Variants in CDH13 observed in about 807,000 individuals in gnomAD.
The protein encoded by CDH13 is cadherin-13.
In CDH13, 24 loss-of-function variants were observed where a neutral mutation model predicts 63.8. The ratio of observed to expected loss-of-function variants is 0.38; its 90% CI spans 0.27 to 0.53. The LOEUF is 0.53. Among genes scored for constraint, CDH13 ranks in the 20% least tolerant of loss-of-function variants. The pLI, the probability that CDH13 is intolerant of heterozygous loss-of-function variation, is 0.85. For missense variants in CDH13, 1,049 were observed against 903.1 expected, an observed-to-expected ratio of 1.16 and a Z score of -2.07; for synonymous variants, 503 against 355.3, an observed-to-expected ratio of 1.42 and a Z score of -4.67.
intron 2 of CDH13, among the ~76,000 whole-genome samples, chr16:82,933,606 A>G (rs1341130603): frequency 2.6e-5 from 4 of 152,214 alleles, no homozygotes; most frequent in African/African-American, 9.6e-5. Context: ...CATTAACCCA[A>G]AAGTCCAAGT....
chr16:83,446,487 A>T (rs1198304840), intron 6 of CDH13, among the ~76,000 whole-genome samples: 1 of 152,154 alleles, frequency 6.6e-6, no homozygotes, highest in Non-Finnish European at 1.5e-5. Context: ...AATAATGTAA[A>T]TTATTCCCAG....
At chr16:83,179,500 A>AAAAAAAAAAAAC in intron 4 of CDH13, among the ~76,000 whole-genome samples, 1 of 149,682 alleles carries the variant, frequency 6.7e-6, no homozygotes. Context: ...AAAAAAAAAA[A>AAAAAAAAAAAAC]AATTAGCCGG....
At chr16:82,727,491 T>G (rs534530268) in intron 1 of CDH13, 55 of 152,326 alleles carry the variant, frequency 3.6e-4, no homozygotes, top group African/African-American at 1.3e-3. Context: ...TATTCAGGTC[T>G]ATTGTGATTT....
At chr16:83,055,353 A>G (rs1013455231) in intron 3 of CDH13, among the ~76,000 whole-genome samples, 5 of 151,556 alleles carry the variant, frequency 3.3e-5, no homozygotes, top group Middle Eastern at 3.2e-3. Flanking sequence ...CTGTAACTTG[A>G]TATCAATAGT....
At chr16:83,336,942 T>C (rs1311171524) in intron 5 of CDH13, among the ~76,000 whole-genome samples, 3 of 152,184 alleles carry the variant, frequency 2.0e-5, no homozygotes, top group East Asian at 1.9e-4. Flanking sequence ...TACATCCCTT[T>C]GGGTAAGATC....
At position 83,762,816 on chromosome 16, in the gene CDH13, G is replaced by C. The variant is rs1914084145; in HGVS notation, c.1681+14566G>C. Among the ~76,000 whole-genome samples the C allele has an allele frequency of 2.6e-5, 4 of 152,114 alleles. No individual in the cohort carries two copies. The South Asian group carries it at 8.3e-4, about 32-fold the overall frequency. ...GGTTCATTGTTCCATGATTGTTATT[G>C]AATGGGGCTCTTATGCTCTCACAGA... On this transcript the variant is annotated intron_variant, in intron 11 of 13. Transcript: ENST00000567109.
intron 2 of CDH13, among the ~76,000 whole-genome samples, chr16:82,923,883 G>A (rs1184035047): frequency 6.6e-6 from 1 of 152,114 alleles, no homozygotes; most frequent in Non-Finnish European, 1.5e-5. Context: ...TGGGATCCTG[G>A]TTCTGCATTT....
At chr16:82,806,443 A>T (rs567858557) in intron 1 of CDH13, among the ~76,000 whole-genome samples, 1 of 152,214 alleles carries the variant, frequency 6.6e-6, no homozygotes, top group Admixed American at 6.5e-5. Flanking sequence ...CTTACAAAAC[A>T]AAACTTGGAA....
At chr16:83,129,843 C>T (rs540197119) in intron 4 of CDH13, among the ~76,000 whole-genome samples, 2 of 152,364 alleles carry the variant, frequency 1.3e-5, no homozygotes, top group African/African-American at 4.8e-5. Context: ...CCTTCTGCTT[C>T]ATCACCAAAA....
intron 7 of CDH13, among the ~76,000 whole-genome samples, chr16:83,515,879 T>G (rs2074688037): frequency 1.3e-5 from 2 of 152,154 alleles, no homozygotes; most frequent in Non-Finnish European, 2.9e-5. Flanking sequence ...ATTTATAAAT[T>G]TAATCTTTAT....
At chr16:83,562,043 T>G (rs921738536) in intron 7 of CDH13, among the ~76,000 whole-genome samples, 7 of 152,108 alleles carry the variant, frequency 4.6e-5, no homozygotes, top group Non-Finnish European at 7.4e-5. Context: ...GAGAATGTGG[T>G]CAGGACCTTG....
intron 2 of CDH13, among the ~76,000 whole-genome samples, chr16:82,992,172 A>T (rs2151407343): frequency 6.6e-6 from 1 of 152,296 alleles, no homozygotes; most frequent in East Asian, 1.9e-4. Context: ...CACTATGTTG[A>T]AGTATGTCCT....
intron 7 of CDH13, among the ~76,000 whole-genome samples, chr16:83,582,770 T>C (rs1381405712): frequency 6.6e-6 from 1 of 152,198 alleles, no homozygotes; most frequent in African/African-American, 2.4e-5. Context: ...CTGAGCTCTC[T>C]TGAAAATGTA....
intron 3 of CDH13, among the ~76,000 whole-genome samples, chr16:83,048,405 C>G (rs1337569854): frequency 6.6e-6 from 1 of 152,190 alleles, no homozygotes; most frequent in Non-Finnish European, 1.5e-5. Context: ...GGTATTCACG[C>G]TCCTGGACCT....
At chr16:83,552,991 A>G (rs1182603995) in intron 7 of CDH13, among the ~76,000 whole-genome samples, 5 of 152,008 alleles carry the variant, frequency 3.3e-5, no homozygotes, top group Non-Finnish European at 7.4e-5. Context: ...AGGCAGGAGA[A>G]TCACTTGAAC....
intron 6 of CDH13, among the ~76,000 whole-genome samples, chr16:83,369,655 C>T (rs925498027): frequency 1.3e-5 from 2 of 152,034 alleles, no homozygotes; most frequent in Non-Finnish European, 2.9e-5. Context: ...ACATCCCTGG[C>T]CTCAAGTGAT....
In CDH13 at chr16:83,763,091, G is replaced by A. The variant is rs577065816; in HGVS notation, c.1681+14841G>A. ...CCCATCTATTTCCATTTAAAAGAAC[G>A]GGGGAGTGATGGCTTTTAAAACAAG... On this transcript the variant is annotated intron_variant, in intron 11 of 13. Coordinates refer to ENST00000567109, the MANE Select transcript of CDH13 (RefSeq NM_001257.5). Among the ~76,000 whole-genome samples, 101 of 152,218 alleles carry A rather than the reference G, an allele frequency of 6.6e-4. 1 individual carries two copies. In the South Asian group the frequency reaches 0.011, roughly 16 times the overall value.
chr16:82,810,143 A>G (rs777514465), intron 1 of CDH13, among the ~76,000 whole-genome samples: 5 of 152,236 alleles, frequency 3.3e-5, no homozygotes, highest in Non-Finnish European at 5.9e-5. Flanking sequence ...AGGTAAGGAC[A>G]TGGTGCCTAC....
At chr16:83,524,768 C>CA (rs1465333807) in intron 7 of CDH13, among the ~76,000 whole-genome samples, 2 of 152,176 alleles carry the variant, frequency 1.3e-5, no homozygotes, top group African/African-American at 4.8e-5. Context: ...CATGTCTTAA[C>CA]ACCCCCTCTT....
Sources: gnomAD v4.1 joint callset for allele counts (sites outside exome capture counted in the v4.1 genomes callset) on GRCh38, gnomAD v4.1.1 for gene constraint, MANE v1.5 for transcripts, NCBI Gene and HGNC (gene_info 2026-07-23, HGNC 2026-07-21) for gene names.